Variants in DNA2 observed in about 807,000 individuals in gnomAD.
The protein encoded by DNA2 is DNA replication ATP-dependent helicase/nuclease DNA2.
In DNA2, 101 loss-of-function variants were observed where a neutral mutation model predicts 119.1. That is an observed-to-expected ratio of 0.85 (90% CI 0.72 to 1.00). The LOEUF (loss-of-function observed/expected upper bound fraction) is 1.00, where lower values mean the gene tolerates loss of function less well. Among genes scored for constraint, DNA2 ranks in the 50% least tolerant of loss-of-function variants. The probability of loss-of-function intolerance (pLI) is 0.00; values close to 1 mark genes in which losing one functional copy is unlikely to be tolerated. For synonymous variants in DNA2, 366 were observed against 424.4 expected, an observed-to-expected ratio of 0.86 and a Z score of 1.69; for missense variants, 1,121 against 1,255.5, an observed-to-expected ratio of 0.89 and a Z score of 1.62.
chr10:68,443,323 T>C (rs1159068209), intron 8 of DNA2, among the ~76,000 whole-genome samples: 1 of 152,208 alleles, frequency 6.6e-6, no homozygotes, highest in African/African-American at 2.4e-5. Context: ...TTATTTTGCC[T>C]TCAGCGACTA....
intron 5 of DNA2, among the ~76,000 whole-genome samples, chr10:68,457,048 G>A (rs541936670): frequency 6.6e-6 from 1 of 151,528 alleles, no homozygotes; most frequent in Non-Finnish European, 1.5e-5. Flanking sequence ...GCAGGAGAAT[G>A]GCGTGAACCC....
intron 5 of DNA2, among the ~76,000 whole-genome samples, chr10:68,455,196 C>T (rs970161876): frequency 6.6e-6 from 1 of 151,874 alleles, no homozygotes; most frequent in Non-Finnish European, 1.5e-5. Flanking sequence ...CCTCAGCCAC[C>T]CAAAGTGATG....
chr10:68,457,714 A>C (rs548968551), intron 5 of DNA2, among the ~76,000 whole-genome samples: 1 of 152,066 alleles, frequency 6.6e-6, no homozygotes, highest in South Asian at 2.1e-4. Context: ...TTCCCCTATA[A>C]AATTATAACA....
chr10:68,472,024 C>A (rs181429046), upstream of DNA2: 1 of 1,607,992 alleles, frequency 6.2e-7, no homozygotes, highest in Non-Finnish European at 8.5e-7. Flanking sequence ...GCCCCTCCCG[C>A]GCCGGCGCGT....
At chr10:68,418,808 G>C (rs1590045274) in intron 19 of DNA2, among the ~76,000 whole-genome samples, 1 of 151,646 alleles carries the variant, frequency 6.6e-6, no homozygotes, top group East Asian at 1.9e-4. Flanking sequence ...AAGTAGCTGG[G>C]ATTACAGGCG....
In DNA2 at chr10:68,443,120, A is replaced by G; in HGVS notation, c.1221-9T>C. On this transcript the variant is annotated splice_polypyrimidine_tract_variant and intron_variant, in intron 8 of 20. Transcript: ENST00000358410. The stretch of plus-strand genomic sequence containing the variant: ...TCTGTTGTTCAACTGCTCTAAATAT[A>G]AAGTTCCAAGTTAGAGATGCTTATA... 1 of 1,548,008 alleles carries G rather than the reference A, an allele frequency of 6.5e-7. No individual in the cohort carries two copies. Among genetic ancestry groups the G allele is most frequent in the Non-Finnish European group, 8.7e-7 (1 of 1,146,990 alleles).
chr10:68,457,753 A>AC (rs1434774597), intron 5 of DNA2, among the ~76,000 whole-genome samples: 11 of 152,072 alleles, frequency 7.2e-5, no homozygotes, highest in Admixed American at 5.9e-4. Context: ...AAAAAAAAAA[A>AC]CTTGAAAATA....
At chr10:68,432,574 G>T in intron 10 of DNA2, 64 bp from the exon 11 acceptor site, 1 of 878,960 alleles carries the variant, frequency 1.1e-6, no homozygotes, top group Non-Finnish European at 1.8e-6. Context: ...TAAGAAATAT[G>T]CTGCTATCTG....
chr10:68,470,475 A>G (rs896494298), intron 1 of DNA2: 8 of 363,340 alleles, frequency 2.2e-5, no homozygotes, highest in Non-Finnish European at 3.7e-5. Context: ...GAAGCCAGGC[A>G]TGATGGCGCA....
intron 4 of DNA2, among the ~76,000 whole-genome samples, chr10:68,464,515 G>GAAAAC (rs957742920): frequency 1.3e-5 from 2 of 151,040 alleles, no homozygotes; most frequent in African/African-American, 2.4e-5. Context: ...ACTCCGTCTC[G>GAAAAC]AAAACAAAAC....
At chr10:68,448,343 C>T (rs2052068878) in intron 6 of DNA2, among the ~76,000 whole-genome samples, 1 of 152,130 alleles carries the variant, frequency 6.6e-6, no homozygotes, top group African/African-American at 2.4e-5. Flanking sequence ...TAAAAATAGT[C>T]CTTTTAGCTC....
intron 9 of DNA2, among the ~76,000 whole-genome samples, chr10:68,437,846 G>A (rs918001133): frequency 1.3e-4 from 19 of 151,864 alleles, no homozygotes; most frequent in African/African-American, 4.6e-4. Flanking sequence ...GAGTAGCTAG[G>A]ATTACAGGCA....
intron 8 of DNA2, among the ~76,000 whole-genome samples, chr10:68,443,772 G>A (rs1311836203): frequency 6.6e-6 from 1 of 151,008 alleles, no homozygotes; most frequent in Non-Finnish European, 1.5e-5. Flanking sequence ...AACACACGGT[G>A]AAATCCCGTC....
intron 5 of DNA2, among the ~76,000 whole-genome samples, chr10:68,457,126 T>A (rs534327978): frequency 2.8e-3 from 396 of 142,466 alleles, no homozygotes; most frequent in Non-Finnish European, 5.0e-3. Flanking sequence ...AGAGCGAGAC[T>A]CCATCTCAAA....
At chr10:68,431,544 T>G (rs999290650) in intron 13 of DNA2, among the ~76,000 whole-genome samples, 1 of 151,976 alleles carries the variant, frequency 6.6e-6, no homozygotes, top group Non-Finnish European at 1.5e-5. Context: ...CTTGGCCTCC[T>G]AAAGTGCTGG....
chr10:68,426,976 T>C lies in DNA2; in HGVS notation c.2208+3460A>G, dbSNP rs2051750427. On this transcript the variant is annotated intron_variant, in intron 14 of 20. Transcript: ENST00000358410. ...CCATTAAAGGGCTAGTATTAGAATA[T>C]ACATTTTAAAAATTCTCAAAACTCA... is the stretch of plus-strand genomic sequence containing the variant. Among the ~76,000 whole-genome samples the C allele has an allele frequency of 2.0e-5, 3 of 152,286 alleles. No individual in the cohort carries two copies. In the South Asian group the frequency reaches 6.2e-4, roughly 32 times the overall value.
chr10:68,451,044 G>A (rs1293052089), intron 5 of DNA2, among the ~76,000 whole-genome samples: 2 of 149,310 alleles, frequency 1.3e-5, no homozygotes, highest in Admixed American at 6.8e-5. Flanking sequence ...AGGTTGCAGT[G>A]AGCCAAGATC....
chr10:68,446,190 A>T, intron 7 of DNA2, 106 bp downstream of exon 7: 1 of 628,174 alleles, frequency 1.6e-6, no homozygotes, highest in South Asian at 2.1e-5. Context: ...TACAAATTAT[A>T]ACCTATTAAG....
intron 19 of DNA2, among the ~76,000 whole-genome samples, chr10:68,418,631 C>T (rs2051623604): frequency 6.6e-6 from 1 of 151,566 alleles, no homozygotes. Flanking sequence ...TATGTTGTTC[C>T]CCTCTCTGTG....
Sources: gnomAD v4.1 joint callset for allele counts (sites outside exome capture counted in the v4.1 genomes callset) on GRCh38, gnomAD v4.1.1 for gene constraint, MANE v1.5 for transcripts, NCBI Gene and HGNC (gene_info 2026-07-23, HGNC 2026-07-21) for gene names.